The following ADGRV1 variants were observed in gnomAD, a reference collection of about 807,000 sequenced individuals.
The protein encoded by ADGRV1 is adhesion G protein-coupled receptor V1, also known as G-protein coupled receptor 98.
ADGRV1 carries 359 observed loss-of-function variants against 596.2 expected under a neutral mutation model. The ratio of observed to expected loss-of-function variants is 0.60; its 90% CI spans 0.55 to 0.66. The LOEUF (loss-of-function observed/expected upper bound fraction) is 0.66, where lower values mean the gene tolerates loss of function less well. Ranked by LOEUF, ADGRV1 falls within the 30% of genes least tolerant of loss-of-function variation. The pLI is 0.00. For synonymous variants in ADGRV1, 2,681 were observed against 2,679.2 expected (o/e 1.00, Z -0.02); for missense variants, 7,274 against 7,575.6 (o/e 0.96, Z 1.48).
At position 90,687,954 on chromosome 5, in the gene ADGRV1, C is replaced by T. The variant is rs551475039; in HGVS notation, c.6491-1907C>T. 2.8e-3 allele frequency among the ~76,000 whole-genome samples: 420 copies of T among 152,196 alleles called. 4 individuals are homozygous for T. Among genetic ancestry groups the T allele is most frequent in the African/African-American group, 9.5e-3 (395 of 41,508 alleles). ...GCTCATGGGTAGGAAGAATCAATATCGTGAAAATGGCCATACTGCTCAAGG... is the reference window on the plus strand; with the variant it reads ...GCTCATGGGTAGGAAGAATCAATATTGTGAAAATGGCCATACTGCTCAAGG... On this transcript the variant is annotated intron_variant, in intron 29 of 89. Transcript: ENST00000405460.
chr5:91,035,861 T>TATAATATATATATATATATATATATATA lies in ADGRV1; in HGVS notation c.18153-36586_18153-36585insATAATATATATATATATATATATATATA. Among the ~76,000 whole-genome samples the TATAATATATATATATATATATATATATA allele has an allele frequency of 4.6e-3, 438 of 96,226 alleles. 34 individuals carry two copies. Among genetic ancestry groups the TATAATATATATATATATATATATATATA allele is most frequent in the Non-Finnish European group, 7.7e-3 (352 of 45,962 alleles). The allele number at this position is 96,226 out of a possible 152,430, so 63.1% of individuals were successfully genotyped here. The stretch of plus-strand genomic sequence containing the variant: ...ATGAGTGTGTATATATATATATATA[T>TATAATATATATATATATATATATATATA]TATATATATATATATATATATCTTA... On this transcript the variant is annotated intron_variant, in intron 85 of 89. Transcript: ENST00000405460.
chr5:90,621,647 G>T (rs192063800), intron 4 of ADGRV1, among the ~76,000 whole-genome samples: 131 of 152,154 alleles, frequency 8.6e-4, no homozygotes, highest in African/African-American at 3.1e-3. Flanking sequence ...TAGCCTATGG[G>T]AATGAATCCT....
At chr5:90,862,116 G>T (rs569281407) in intron 82 of ADGRV1, among the ~76,000 whole-genome samples, 1 of 152,116 alleles carries the variant, frequency 6.6e-6, no homozygotes, top group Non-Finnish European at 1.5e-5. Flanking sequence ...TATACTAAAT[G>T]TATATCATGA....
At chr5:90,871,186 CA>C (rs1476065082) in intron 83 of ADGRV1, among the ~76,000 whole-genome samples, 3 of 152,044 alleles carry the variant, frequency 2.0e-5, no homozygotes, top group Non-Finnish European at 2.9e-5. Context: ...ATGCTATTCA[CA>C]AGTGTGTGCT....
At chr5:90,792,745 A>G (rs1760223055) in intron 70 of ADGRV1, 1 of 152,204 alleles carries the variant, frequency 6.6e-6, no homozygotes, top group Non-Finnish European at 1.5e-5. Flanking sequence ...AGTAATAAAA[A>G]CAAAATAATT....
intron 87 of ADGRV1, among the ~76,000 whole-genome samples, chr5:91,131,833 T>G (rs1231243485): frequency 6.6e-6 from 1 of 152,148 alleles, no homozygotes; most frequent in Non-Finnish European, 1.5e-5. Flanking sequence ...TTTTGTTACG[T>G]TTGCTTTTGA....
chr5:90,572,925 C>T (rs1756733796), intron 1 of ADGRV1, among the ~76,000 whole-genome samples: 1 of 152,090 alleles, frequency 6.6e-6, no homozygotes, highest in Non-Finnish European at 1.5e-5. Flanking sequence ...ATAAAACAGA[C>T]AGGTGGCATT....
chr5:90,659,669 C>A (rs765979495), intron 21 of ADGRV1, among the ~76,000 whole-genome samples: 3 of 152,132 alleles, frequency 2.0e-5, no homozygotes, highest in Non-Finnish European at 2.9e-5. Context: ...TAGTAAAATC[C>A]TCTTCCTTTT....
intron 83 of ADGRV1, among the ~76,000 whole-genome samples, chr5:90,933,851 C>G (rs1283321512): frequency 6.6e-6 from 1 of 152,046 alleles, no homozygotes; most frequent in Non-Finnish European, 1.5e-5. Flanking sequence ...TGAATTGAGC[C>G]CTATTCTGCT....
chr5:90,725,065 T>C, intron 46 of ADGRV1, 21 bp from the exon 47 acceptor site: 2 of 1,527,152 alleles, frequency 1.3e-6, no homozygotes, highest in Non-Finnish European at 1.8e-6. Flanking sequence ...AATAACTGTA[T>C]TCTTATTCCT....
intron 83 of ADGRV1, among the ~76,000 whole-genome samples, chr5:90,889,824 CA>C (rs904436792): frequency 1.3e-5 from 2 of 152,096 alleles, no homozygotes; most frequent in African/African-American, 4.8e-5. Flanking sequence ...TAAGCCCTAT[CA>C]AAAGTGTGTA....
chr5:90,973,695 T>C (rs6452921), intron 84 of ADGRV1, among the ~76,000 whole-genome samples: 76,109 of 151,966 alleles, frequency 0.5, 20,669 homozygotes, highest in African/African-American at 0.71. Context: ...ATTGATGGGA[T>C]GTATCTCAAA....
chr5:90,685,729 C>T (rs1044987632), intron 28 of ADGRV1, 51 bp from the exon 29 acceptor site: 7 of 1,433,160 alleles, frequency 4.9e-6, no homozygotes, highest in Non-Finnish European at 6.7e-6. Flanking sequence ...TTGGCCAGTT[C>T]TTAGAATTTT....
In ADGRV1 at chr5:90,712,421, T is replaced by C. The variant is rs1373335521; in HGVS notation, c.9177T>C (p.Asn3059=). 1.9e-6 allele frequency: 3 copies of C among 1,584,116 alleles called. No individual in the cohort carries two copies. The highest frequency in any genetic ancestry group is 2.6e-6 in the Non-Finnish European group (3 of 1,162,590). Residue 3059 remains asparagine (N), a synonymous_variant, in exon 42 of 90, where the codon AAT becomes AAC. Coordinates refer to ENST00000405460, the MANE Select transcript of ADGRV1 (RefSeq NM_032119.4). The part of the protein sequence containing the change: ...NPSPGLELGK[N]TIALIIVLAN... Reference sequence around the variant, plus strand: ...CTCCTGGACTAGAGCTAGGGAAAAATACAATAGGTAATTAATAATTTCTTA... The same window carrying C: ...CTCCTGGACTAGAGCTAGGGAAAAACACAATAGGTAATTAATAATTTCTTA...
At position 91,063,899 on chromosome 5, in the gene ADGRV1, A is replaced by G. The variant is rs1787662902; in HGVS notation, c.18153-8548A>G. 2.0e-5 allele frequency among the ~76,000 whole-genome samples: 3 copies of G among 152,092 alleles called. No homozygotes were observed. The South Asian group carries it at 6.2e-4, about 32-fold the overall frequency. On this transcript the variant is annotated intron_variant, in intron 85 of 89. Transcript: ENST00000405460. Reference sequence around the variant, plus strand: ...TGATGGTGGTGATGCTGATGGAAGAACAACACAAATTCCAGTAGAAGACTA... The same window carrying G: ...TGATGGTGGTGATGCTGATGGAAGAGCAACACAAATTCCAGTAGAAGACTA...
intron 1 of ADGRV1, among the ~76,000 whole-genome samples, chr5:90,586,441 G>C (rs1204299470): frequency 1.3e-5 from 2 of 152,164 alleles, no homozygotes; most frequent in African/African-American, 4.8e-5. Flanking sequence ...TTATCTGACA[G>C]TAGTCTTCTT....
At chr5:91,136,948 A>G (rs1229865373) in intron 87 of ADGRV1, among the ~76,000 whole-genome samples, 1 of 152,196 alleles carries the variant, frequency 6.6e-6, no homozygotes, top group Non-Finnish European at 1.5e-5. Context: ...TAGAAATAAT[A>G]GTCATTTTGC....
At chr5:90,672,032 G>T (rs1314398546) in intron 21 of ADGRV1, among the ~76,000 whole-genome samples, 1 of 151,970 alleles carries the variant, frequency 6.6e-6, no homozygotes, top group Non-Finnish European at 1.5e-5. Flanking sequence ...ATGCCACCCC[G>T]CCAAAATGAT....
intron 85 of ADGRV1, among the ~76,000 whole-genome samples, chr5:90,991,117 G>C (rs1780925156): frequency 6.9e-6 from 1 of 144,812 alleles, no homozygotes; most frequent in Admixed American, 6.8e-5. Flanking sequence ...ATGCCATACA[G>C]AGGTGAGAGG....
Sources: gnomAD v4.1 joint callset for allele counts (sites outside exome capture counted in the v4.1 genomes callset) on GRCh38, gnomAD v4.1.1 for gene constraint, MANE v1.5 for transcripts, NCBI Gene and HGNC (gene_info 2026-07-23, HGNC 2026-07-21) for gene names.